TRIM44: variants seen among roughly 807,000 people sequenced by gnomAD.
TRIM44 encodes the protein tripartite motif-containing protein 44.
A neutral mutation model predicts 37.4 loss-of-function variants in TRIM44; 13 were observed. The ratio of observed to expected loss-of-function variants is 0.35; its 90% CI spans 0.23 to 0.55. The LOEUF (loss-of-function observed/expected upper bound fraction) is 0.55, where lower values mean the gene tolerates loss of function less well. Among genes scored for constraint, TRIM44 ranks in the 20% least tolerant of loss-of-function variants. TRIM44 has a pLI of 0.89. For missense variants in TRIM44, 426 were observed against 437.2 expected, an observed-to-expected ratio of 0.97 and a Z score of 0.23; for synonymous variants, 175 against 157.2, an observed-to-expected ratio of 1.11 and a Z score of -0.85.
At chr11:35,728,820 T>G (rs772503417) in intron 3 of TRIM44, among the ~76,000 whole-genome samples, 1 of 152,216 alleles carries the variant, frequency 6.6e-6, no homozygotes, top group Non-Finnish European at 1.5e-5. Context: ...ATTCTCCTAT[T>G]AACATTTTGC....
rs796092540 is a variant in TRIM44 at position 35,792,111 on chromosome 11, A to ACACACACTCTCTCT, written c.1008-14246_1008-14245insACACACTCTCTCTC. ...CACACACACACACACACACACACAC[A>ACACACACTCTCTCT]CTCTCTCTCATCATTCTCTATTCCA... On this transcript the variant is annotated intron_variant, in intron 4 of 4. Coordinates refer to ENST00000299413, the MANE Select transcript of TRIM44 (RefSeq NM_017583.6). Among the ~76,000 whole-genome samples, 83 of 114,354 alleles carry ACACACACTCTCTCT rather than the reference A, an allele frequency of 7.3e-4. 2 individuals are homozygous for ACACACACTCTCTCT. The highest frequency in any genetic ancestry group is 2.8e-3 in the African/African-American group (76 of 26,948). 75.0% of individuals were successfully genotyped at this position (114,354 alleles called of 152,430 possible). A position where few individuals can be genotyped will look rare whatever the true frequency, so the allele number is the denominator to read the frequency against.
intron 4 of TRIM44, among the ~76,000 whole-genome samples, chr11:35,760,042 C>G (rs1852701197): frequency 6.6e-6 from 1 of 152,232 alleles, no homozygotes; most frequent in Non-Finnish European, 1.5e-5. Context: ...ACATATAAGT[C>G]TGCAGAGGTT....
At chr11:35,777,484 G>C (rs529940293) in intron 4 of TRIM44, among the ~76,000 whole-genome samples, 2 of 152,224 alleles carry the variant, frequency 1.3e-5, no homozygotes, top group East Asian at 3.9e-4. Flanking sequence ...GTGTGAATTT[G>C]ATCCTGTCAT....
At chr11:35,674,424 C>T (rs1022141237) in intron 1 of TRIM44, among the ~76,000 whole-genome samples, 10 of 152,052 alleles carry the variant, frequency 6.6e-5, no homozygotes, top group African/African-American at 2.4e-4. Flanking sequence ...CCCAAATATA[C>T]CAAAGGCTCA....
rs1024824579 is a variant in TRIM44, at chr11:35,817,296, G to C, written c.*10911G>C. Reference sequence around the variant, plus strand: ...TCTTTTCCCATGAAAAGAGGGAAGAGAGTTGAGAAGCCTCACTCCCATCCC... The same window carrying C: ...TCTTTTCCCATGAAAAGAGGGAAGACAGTTGAGAAGCCTCACTCCCATCCC... On this transcript the variant is annotated 3_prime_UTR_variant, in exon 5 of 5. Transcript: ENST00000299413. 3.9e-5 allele frequency: 6 copies of C among 152,170 alleles called. No homozygotes were observed. The highest frequency in any genetic ancestry group is 8.8e-5 in the Non-Finnish European group (6 of 68,048). 9.4% of individuals were successfully genotyped at this position (152,170 alleles called of 1,614,324 possible). A position where few individuals can be genotyped will look rare whatever the true frequency, so the allele number is the denominator to read the frequency against.
chr11:35,763,233 G>A (rs1482833609), intron 4 of TRIM44, among the ~76,000 whole-genome samples: 1 of 152,132 alleles, frequency 6.6e-6, no homozygotes, highest in African/African-American at 2.4e-5. Context: ...GGCAGAGTGA[G>A]AAGTGATTTC....
intron 4 of TRIM44, among the ~76,000 whole-genome samples, chr11:35,748,980 G>GA (rs575410400): frequency 1.1e-3 from 163 of 152,242 alleles, no homozygotes; most frequent in African/African-American, 3.7e-3. Flanking sequence ...TTTTTCATGG[G>GA]AAAAAATGCC....
intron 1 of TRIM44, among the ~76,000 whole-genome samples, chr11:35,680,957 A>G (rs1851515741): frequency 6.6e-6 from 1 of 151,364 alleles, no homozygotes; most frequent in Admixed American, 6.6e-5. Context: ...TGTTGGGTTT[A>G]TTTGGCCTTT....
chr11:35,701,843 C>T (rs1734865450), intron 2 of TRIM44, among the ~76,000 whole-genome samples: 1 of 152,166 alleles, frequency 6.6e-6, no homozygotes, highest in Admixed American at 6.5e-5. Context: ...TTCATTTAAC[C>T]AGTTTGCACA....
At chr11:35,739,802 T>A (rs995457435) in intron 4 of TRIM44, among the ~76,000 whole-genome samples, 1 of 152,150 alleles carries the variant, frequency 6.6e-6, no homozygotes, top group Non-Finnish European at 1.5e-5. Context: ...AAAGTCCTAA[T>A]ATGTAAAACA....
intron 3 of TRIM44, among the ~76,000 whole-genome samples, chr11:35,732,798 C>A (rs1160186461): frequency 5.3e-5 from 8 of 152,182 alleles, no homozygotes; most frequent in Non-Finnish European, 1.2e-4. Flanking sequence ...ACATGCATAT[C>A]TTTTACTAGC....
chr11:35,693,814 A>G (rs1012950891), intron 2 of TRIM44, among the ~76,000 whole-genome samples: 2 of 152,148 alleles, frequency 1.3e-5, no homozygotes, highest in Non-Finnish European at 2.9e-5. Flanking sequence ...AGCTCTTGTC[A>G]TTCCAGTTGA....
At chr11:35,737,485 C>T (rs945591021) in intron 4 of TRIM44, among the ~76,000 whole-genome samples, 1 of 151,916 alleles carries the variant, frequency 6.6e-6, no homozygotes, top group Non-Finnish European at 1.5e-5. Context: ...AGTTCAAGAG[C>T]AGCCTGGGCA....
chr11:35,716,504 G>A (rs1248794034), intron 2 of TRIM44, among the ~76,000 whole-genome samples: 1 of 152,148 alleles, frequency 6.6e-6, no homozygotes, highest in African/African-American at 2.4e-5. Flanking sequence ...TCATGTATAT[G>A]GGGCAACATC....
rs1412793384 is a variant in TRIM44, at chr11:35,817,264, G to A, written c.*10879G>A. 2 of 152,142 alleles carry A rather than the reference G, an allele frequency of 1.3e-5. No homozygotes were observed. Among genetic ancestry groups the A allele is most frequent in the Non-Finnish European group, 2.9e-5 (2 of 68,022 alleles). 9.4% of individuals were successfully genotyped at this position (152,142 alleles called of 1,614,324 possible). On this transcript the variant is annotated 3_prime_UTR_variant, in exon 5 of 5. Coordinates refer to ENST00000299413, the MANE Select transcript of TRIM44 (RefSeq NM_017583.6). ...TCCAAAGCAGGTGGCACCACCAAAA[G>A]GCACCTTCTTTTCCCATGAAAAGAG...
intron 2 of TRIM44, among the ~76,000 whole-genome samples, chr11:35,710,693 C>G (rs1207640137): frequency 6.6e-6 from 1 of 152,176 alleles, no homozygotes; most frequent in Non-Finnish European, 1.5e-5. Flanking sequence ...CCTTCTCTTC[C>G]TGGTATAGAG....
At chr11:35,676,163 C>T (rs1471504738) in intron 1 of TRIM44, among the ~76,000 whole-genome samples, 1 of 152,120 alleles carries the variant, frequency 6.6e-6, no homozygotes, top group African/African-American at 2.4e-5. Flanking sequence ...GTAATTGTTT[C>T]TCCTTATTGA....
rs1320599568 is a variant in TRIM44, at chr11:35,806,581, C to T, written c.*196C>T. The T allele has an allele frequency of 3.4e-6, 2 of 595,456 alleles. No homozygotes were observed. The highest frequency in any genetic ancestry group is 6.0e-6 in the Non-Finnish European group (2 of 335,892). 36.9% of individuals were successfully genotyped at this position (595,456 alleles called of 1,614,324 possible). A position where few individuals can be genotyped will look rare whatever the true frequency, so the allele number is the denominator to read the frequency against. On this transcript the variant is annotated 3_prime_UTR_variant, in exon 5 of 5. Coordinates refer to ENST00000299413, the MANE Select transcript of TRIM44 (RefSeq NM_017583.6). Reference sequence around the variant, plus strand: ...ATGCTTACTGTGTGCTTCTCATCCCCTGGTTGTGGTAGGTCAAGGAAAAGA... The same window carrying T: ...ATGCTTACTGTGTGCTTCTCATCCCTTGGTTGTGGTAGGTCAAGGAAAAGA...
chr11:35,779,818 C>G (rs929670984), intron 4 of TRIM44, among the ~76,000 whole-genome samples: 1 of 149,632 alleles, frequency 6.7e-6, no homozygotes, highest in African/African-American at 2.4e-5. Context: ...CTGTATATGG[C>G]TAGTGAGCTA....
Sources: allele counts gnomAD v4.1 joint callset (sites outside exome capture counted in the v4.1 genomes callset), GRCh38; gene constraint gnomAD v4.1.1; transcripts MANE v1.5; gene names NCBI Gene and HGNC (gene_info 2026-07-23, HGNC 2026-07-21).